Variants in CPT1A observed in about 807,000 individuals in gnomAD.
CPT1A encodes the protein carnitine O-palmitoyltransferase 1, liver isoform.
In CPT1A, 64 loss-of-function variants were observed where a neutral mutation model predicts 100.8. The observed-to-expected ratio is 0.63, with a 90% CI of 0.52 to 0.78. The LOEUF is 0.78. CPT1A is among the 30% of genes least tolerant of loss of function. The probability of loss-of-function intolerance (pLI) is 0.00; values close to 1 mark genes in which losing one functional copy is unlikely to be tolerated. For missense variants in CPT1A, 802 were observed against 1,034.1 expected (o/e 0.78, Z 3.08); for synonymous variants, 363 against 396.0 (o/e 0.92, Z 0.99).
At chr11:68,773,455 T>C in intron 13 of CPT1A, 26 bp from the exon 14 acceptor site, 1 of 1,614,070 alleles carries the variant, frequency 6.2e-7, no homozygotes, top group East Asian at 2.2e-5. Context: ...AAAAAGGTTT[T>C]ACGGAACGAG....
At chr11:68,782,873 A>C (rs1232645029) in intron 10 of CPT1A, among the ~76,000 whole-genome samples, 1 of 152,164 alleles carries the variant, frequency 6.6e-6, no homozygotes, top group African/African-American at 2.4e-5. Context: ...CTTCCTGTGA[A>C]TGACTCCCAT....
intron 1 of CPT1A, among the ~76,000 whole-genome samples, chr11:68,819,979 G>A (rs1594368036): frequency 1.3e-5 from 2 of 152,012 alleles, no homozygotes. Context: ...TGATATAGCC[G>A]CACCTACAGC....
chr11:68,777,227 C>T (rs1285819602), intron 12 of CPT1A, among the ~76,000 whole-genome samples: 3 of 152,042 alleles, frequency 2.0e-5, no homozygotes, highest in South Asian at 2.1e-4. Flanking sequence ...GCCAGGAGTT[C>T]GAGACCAGCC....
At chr11:68,779,252 A>C (rs983452131) in intron 12 of CPT1A, among the ~76,000 whole-genome samples, 2 of 152,028 alleles carry the variant, frequency 1.3e-5, no homozygotes, top group African/African-American at 4.8e-5. Context: ...ACACTGCAAA[A>C]AGATGGTCTT....
At position 68,815,326 on chromosome 11, in the gene CPT1A, C is replaced by T. The variant is rs1318739924; in HGVS notation, c.141+8G>A. The T allele has an allele frequency of 6.2e-7, 1 of 1,613,824 alleles. No homozygotes were observed. Among genetic ancestry groups the T allele is most frequent in the South Asian group, 1.1e-5 (1 of 91,054 alleles). On this transcript the variant is annotated splice_region_variant and intron_variant, in intron 2 of 18. Transcript: ENST00000265641. The stretch of plus-strand genomic sequence containing the variant: ...ATACTGTGTAGATTTCAACAAATCT[C>T]AGAAAACCTTGAATCTGATGAACTT...
At chr11:68,761,982 G>A (rs1281983881) in intron 15 of CPT1A, among the ~76,000 whole-genome samples, 2 of 152,080 alleles carry the variant, frequency 1.3e-5, no homozygotes, top group Non-Finnish European at 2.9e-5. Flanking sequence ...GGGGATCAGC[G>A]GAAAGCACCT....
At chr11:68,769,255 T>A (rs1248061714) in intron 14 of CPT1A, among the ~76,000 whole-genome samples, 2 of 152,114 alleles carry the variant, frequency 1.3e-5, no homozygotes, top group Non-Finnish European at 2.9e-5. Context: ...ACAATTTTTT[T>A]AAAGATAGGG....
At chr11:68,771,445 CTCA>C (rs1854986904) in intron 14 of CPT1A, among the ~76,000 whole-genome samples, 1 of 152,162 alleles carries the variant, frequency 6.6e-6, no homozygotes, top group East Asian at 1.9e-4. Flanking sequence ...GCAAAATCTG[CTCA>C]TCAATTCTCA....
intron 1 of CPT1A, among the ~76,000 whole-genome samples, chr11:68,840,722 A>G (rs546983147): frequency 3.3e-5 from 5 of 152,328 alleles, no homozygotes; most frequent in South Asian, 4.1e-4. Flanking sequence ...GATTTACATT[A>G]TAAAGACGCT....
intron 8 of CPT1A, 114 bp from the exon 9 acceptor site, chr11:68,793,516 C>T (rs557306241): frequency 1.9e-5 from 14 of 746,608 alleles, no homozygotes; most frequent in South Asian, 3.0e-5. Context: ...GAGGCTGAGG[C>T]GGGCGGATCA....
chr11:68,800,013 C>T (rs931337059), intron 5 of CPT1A, among the ~76,000 whole-genome samples: 1 of 152,106 alleles, frequency 6.6e-6, no homozygotes, highest in Admixed American at 6.6e-5. Flanking sequence ...TGTCTCTTAT[C>T]TATTATTTGG....
intron 16 of CPT1A, among the ~76,000 whole-genome samples, chr11:68,760,983 T>C (rs535053964): frequency 1.6e-4 from 25 of 151,990 alleles, no homozygotes; most frequent in African/African-American, 5.5e-4. Context: ...ATGGCGCCAC[T>C]GCACTCCAGC....
At chr11:68,818,982 G>A (rs1461974544) in intron 1 of CPT1A, among the ~76,000 whole-genome samples, 2 of 152,180 alleles carry the variant, frequency 1.3e-5, no homozygotes, top group African/African-American at 4.8e-5. Context: ...TCACCAAGCA[G>A]ATGTTTGCCA....
At position 68,777,873 on chromosome 11, in the gene CPT1A, A is replaced by T. The variant is rs112461246; in HGVS notation, c.1459-2441T>A. Reference sequence around the variant, plus strand: ...AAGCCCGGGCTATTATGCTGTGCAGAGATTTATTAAAGCGTGCCTTCTTGC... The same window carrying T: ...AAGCCCGGGCTATTATGCTGTGCAGTGATTTATTAAAGCGTGCCTTCTTGC... On this transcript the variant is annotated intron_variant, in intron 12 of 18. Coordinates refer to ENST00000265641, the MANE Select transcript of CPT1A (RefSeq NM_001876.4). Among the ~76,000 whole-genome samples, 768 of 152,242 alleles carry T rather than the reference A, an allele frequency of 5.0e-3. 6 individuals are homozygous for T. Among genetic ancestry groups the T allele is most frequent in the African/African-American group, 0.017 (727 of 41,558 alleles).
At chr11:68,773,880 C>T (rs1479641330) in intron 13 of CPT1A, 4 of 251,528 alleles carry the variant, frequency 1.6e-5, no homozygotes, top group Non-Finnish European at 3.2e-5. Flanking sequence ...GGCAAAATGG[C>T]GGCGTCTAAC....
intron 14 of CPT1A, among the ~76,000 whole-genome samples, chr11:68,765,011 C>T (rs547929549): frequency 8.5e-5 from 13 of 152,274 alleles, no homozygotes; most frequent in Admixed American, 2.6e-4. Flanking sequence ...CCCTTGGGAG[C>T]GGGGGTCACA....
Position 68,759,026 on chromosome 11 carries a change from T to C in CPT1A, c.2235+543A>G, listed in dbSNP as rs996472108. ...ACACTGGGAGGCTGAGGTAAGAGGA[T>C]CGCGTGAGCCCAGGAGTTCAAGACT... On this transcript the variant is annotated intron_variant, in intron 18 of 18. Coordinates refer to ENST00000265641, the MANE Select transcript of CPT1A (RefSeq NM_001876.4). 2.0e-5 allele frequency among the ~76,000 whole-genome samples: 3 copies of C among 152,056 alleles called. No individual in the cohort carries two copies. In the East Asian group the frequency reaches 5.8e-4, roughly 29 times the overall value.
intron 1 of CPT1A, among the ~76,000 whole-genome samples, chr11:68,826,098 C>T (rs1406803056): frequency 6.6e-6 from 1 of 152,206 alleles, no homozygotes; most frequent in Admixed American, 6.5e-5. Context: ...GGGCCCCAGA[C>T]CAGAGTCTGA....
intron 1 of CPT1A, among the ~76,000 whole-genome samples, chr11:68,836,852 G>T (rs1480951432): frequency 6.6e-6 from 1 of 150,754 alleles, no homozygotes; most frequent in Non-Finnish European, 1.5e-5. Context: ...AAAAGAAAGG[G>T]AAGGAAGGAA....
Sources: allele counts gnomAD v4.1 joint callset (sites outside exome capture counted in the v4.1 genomes callset), GRCh38; gene constraint gnomAD v4.1.1; transcripts MANE v1.5; gene names NCBI Gene and HGNC (gene_info 2026-07-23, HGNC 2026-07-21).